Variants in CEP112 observed in about 807,000 individuals in gnomAD.
CEP112 encodes the protein centrosomal protein of 112 kDa.
Under a neutral mutation model 153.0 loss-of-function variants are expected in CEP112, and 127 were observed. The observed-to-expected ratio is 0.83, with a 90% confidence interval of 0.72 to 0.96. The LOEUF (loss-of-function observed/expected upper bound fraction) is 0.96. CEP112 is among the 40% of genes least tolerant of loss of function. The pLI is 0.00. For synonymous variants in CEP112, 358 were observed against 374.4 expected (o/e 0.96, Z 0.51); for missense variants, 1,089 against 1,101.2 (o/e 0.99, Z 0.16).
chr17:65,984,819 G>A (rs1054411510), intron 17 of CEP112, among the ~76,000 whole-genome samples: 12 of 152,058 alleles, frequency 7.9e-5, no homozygotes, highest in Admixed American at 3.3e-4. Context: ...CTATACTTTC[G>A]AACTGGATTG....
chr17:66,006,981 C>T (rs2064303292), intron 16 of CEP112, among the ~76,000 whole-genome samples: 2 of 152,148 alleles, frequency 1.3e-5, no homozygotes, highest in Non-Finnish European at 2.9e-5. Context: ...GCCAAAAATA[C>T]CTGTAGTTAG....
intron 12 of CEP112, among the ~76,000 whole-genome samples, chr17:66,040,043 T>G (rs952519120): frequency 6.6e-6 from 1 of 152,210 alleles, no homozygotes; most frequent in East Asian, 1.9e-4. Context: ...GATGCACACA[T>G]GTACAGATTT....
intron 24 of CEP112, among the ~76,000 whole-genome samples, chr17:65,652,967 C>T (rs1347944241): frequency 1.3e-5 from 2 of 152,194 alleles, no homozygotes; most frequent in Non-Finnish European, 2.9e-5. Flanking sequence ...TTCCAGTTTA[C>T]AGCAATGTGT....
chr17:66,025,808 C>G (rs1345059679), intron 16 of CEP112, among the ~76,000 whole-genome samples: 1 of 151,592 alleles, frequency 6.6e-6, no homozygotes, highest in Non-Finnish European at 1.5e-5. Context: ...GGGTATCTAC[C>G]CAAAGGAAAA....
chr17:65,813,759 A>G (rs796867474), intron 21 of CEP112, among the ~76,000 whole-genome samples: 2 of 152,284 alleles, frequency 1.3e-5, no homozygotes, highest in African/African-American at 4.8e-5. Flanking sequence ...ATACACCTGT[A>G]TATTGCTTAT....
intron 18 of CEP112, among the ~76,000 whole-genome samples, chr17:65,936,027 G>T (rs2144342574): frequency 1.3e-5 from 2 of 151,992 alleles, no homozygotes; most frequent in African/African-American, 4.8e-5. Context: ...TAAAAGAGAA[G>T]ACTCAAATAA....
At chr17:66,108,252 C>A in intron 6 of CEP112, among the ~76,000 whole-genome samples, 1 of 152,054 alleles carries the variant, frequency 6.6e-6, no homozygotes, top group Non-Finnish European at 1.5e-5. Flanking sequence ...AAGATTTCTT[C>A]AGCAATTACC....
intron 2 of CEP112, among the ~76,000 whole-genome samples, chr17:66,178,216 G>C (rs2072570296): frequency 6.6e-6 from 1 of 152,102 alleles, no homozygotes; most frequent in South Asian, 2.1e-4. Context: ...CCACATCCTT[G>C]CCAGTGTTTG....
At chr17:66,026,333 G>A (rs1199418871) in intron 16 of CEP112, among the ~76,000 whole-genome samples, 1 of 152,102 alleles carries the variant, frequency 6.6e-6, no homozygotes, top group Non-Finnish European at 1.5e-5. Flanking sequence ...AAGGTATTAA[G>A]TGTGTCAATA....
At chr17:65,958,902 C>T (rs2062097028) in intron 18 of CEP112, among the ~76,000 whole-genome samples, 1 of 152,164 alleles carries the variant, frequency 6.6e-6, no homozygotes, top group African/African-American at 2.4e-5. Flanking sequence ...TGTGCACTTC[C>T]TCCCCTCTGA....
chr17:66,089,810 AT>A (rs1432711443), intron 8 of CEP112, among the ~76,000 whole-genome samples: 9 of 152,186 alleles, frequency 5.9e-5, no homozygotes, highest in Non-Finnish European at 8.8e-5. Context: ...GGAAAGATAT[AT>A]ATATCCTGGT....
chr17:66,037,767 A>T (rs1473029334), intron 12 of CEP112, among the ~76,000 whole-genome samples: 4 of 152,166 alleles, frequency 2.6e-5, no homozygotes, highest in Admixed American at 2.6e-4. Flanking sequence ...ATATTCCATC[A>T]GGCTCATACT....
intron 25 of CEP112, 34 bp from the exon 26 acceptor site, chr17:65,637,222 C>T (rs747071667): frequency 2.2e-5 from 33 of 1,475,336 alleles, no homozygotes; most frequent in Admixed American, 6.7e-5. Flanking sequence ...AAGAGGTGGA[C>T]GTGGCTTACA....
chr17:65,856,344 T>C (rs1165334695), intron 20 of CEP112, among the ~76,000 whole-genome samples: 4 of 152,164 alleles, frequency 2.6e-5, no homozygotes, highest in African/African-American at 7.2e-5. Context: ...AGTGACAACA[T>C]CTAAATAATA....
chr17:65,741,118 T>A (rs1351557775), intron 23 of CEP112, among the ~76,000 whole-genome samples: 1 of 152,140 alleles, frequency 6.6e-6, no homozygotes, highest in African/African-American at 2.4e-5. Context: ...AGTTTCCCCA[T>A]TTGTAATATG....
intron 19 of CEP112, among the ~76,000 whole-genome samples, chr17:65,914,370 C>T (rs2060396977): frequency 6.6e-6 from 1 of 151,730 alleles, no homozygotes; most frequent in South Asian, 2.1e-4. Flanking sequence ...GTTATAAACT[C>T]TTCCAATATA....
At chr17:65,902,751 C>T (rs995432614) in intron 19 of CEP112, among the ~76,000 whole-genome samples, 3 of 151,806 alleles carry the variant, frequency 2.0e-5, no homozygotes, top group South Asian at 4.2e-4. Context: ...AATAAAAGAT[C>T]GGAGCTAAAT....
chr17:66,132,978 G>T (rs921377821), intron 4 of CEP112, among the ~76,000 whole-genome samples: 2 of 151,990 alleles, frequency 1.3e-5, no homozygotes, highest in Non-Finnish European at 2.9e-5. Context: ...GGCAGAGGTT[G>T]CAGTGAGCTG....
At chr17:65,676,884 A>C (rs1412172614) in intron 24 of CEP112, among the ~76,000 whole-genome samples, 1 of 152,204 alleles carries the variant, frequency 6.6e-6, no homozygotes, top group Non-Finnish European at 1.5e-5. Flanking sequence ...CTTAAGCTGA[A>C]GAGTAGAAAA....
Sources: gnomAD v4.1 joint callset for allele counts (sites outside exome capture counted in the v4.1 genomes callset) on GRCh38, gnomAD v4.1.1 for gene constraint, MANE v1.5 for transcripts, NCBI Gene and HGNC (gene_info 2026-07-23, HGNC 2026-07-21) for gene names.